Variants in MYO18B observed in about 807,000 individuals in gnomAD.
MYO18B encodes the protein unconventional myosin-XVIIIb.
Under a neutral mutation model 273.0 loss-of-function variants are expected in MYO18B, and 204 were observed. The observed-to-expected ratio is 0.75, with a 90% CI of 0.67 to 0.84. The LOEUF (loss-of-function observed/expected upper bound fraction) is 0.84, where lower values mean the gene tolerates loss of function less well. Among genes scored for constraint, MYO18B ranks in the 40% least tolerant of loss-of-function variants. The pLI, the probability that MYO18B is intolerant of heterozygous loss-of-function variation, is 0.00. For missense variants in MYO18B, 3,212 were observed against 3,287.6 expected (o/e 0.98, Z 0.56); for synonymous variants, 1,330 against 1,305.7 (o/e 1.02, Z -0.40).
rs372587899 is a variant in MYO18B, at chr22:25,874,354, C to T, written c.4020C>T (p.Ile1340=). Residue 1340 remains isoleucine, a synonymous_variant, in exon 23 of 44, where the codon ATC becomes ATT. Coordinates refer to ENST00000335473, the MANE Select transcript of MYO18B (RefSeq NM_032608.7). ...KQREKLVSQS[I]VLFQAACKGF... The stretch of plus-strand genomic sequence containing the variant: ...GAGAGAAGCTGGTATCTCAGAGCAT[C>T]GTTCTCTTCCAGGCGGCTTGCAAGG... 9.3e-6 allele frequency: 15 copies of T among 1,613,980 alleles called. No individual in the cohort carries two copies. Among genetic ancestry groups the T allele is most frequent in the African/African-American group, 5.3e-5 (4 of 75,052 alleles).
intron 21 of MYO18B, among the ~76,000 whole-genome samples, chr22:25,866,865 T>A (rs1479131330): frequency 1.4e-5 from 2 of 147,352 alleles, no homozygotes; most frequent in African/African-American, 2.5e-5. Context: ...ATAATGTAGA[T>A]CAGGCAGGTG....
chr22:25,887,799 A>G (rs919147796), intron 25 of MYO18B, among the ~76,000 whole-genome samples: 20 of 152,140 alleles, frequency 1.3e-4, no homozygotes, highest in African/African-American at 4.6e-4. Context: ...TGAAAAGACT[A>G]ATTGTCCTTT....
intron 42 of MYO18B, among the ~76,000 whole-genome samples, chr22:26,005,648 A>G (rs1469731224): frequency 6.6e-6 from 1 of 152,218 alleles, no homozygotes; most frequent in East Asian, 1.9e-4. Context: ...GGATTAAGAT[A>G]TGCATAATTA....
intron 21 of MYO18B, among the ~76,000 whole-genome samples, chr22:25,865,824 T>G (rs761044364): frequency 1.3e-4 from 20 of 152,330 alleles, no homozygotes; most frequent in Non-Finnish European, 2.6e-4. Context: ...TTTTAAAAAT[T>G]CATCCATCTT....
intron 39 of MYO18B, 57 bp downstream of exon 39, chr22:25,955,421 C>T (rs1462288091): frequency 1.3e-6 from 2 of 1,521,778 alleles, no homozygotes; most frequent in Non-Finnish European, 1.8e-6. Flanking sequence ...ATGTGGTAGA[C>T]CCCCCTTTCT....
At chr22:25,957,123 T>G (rs1477751658) in intron 39 of MYO18B, among the ~76,000 whole-genome samples, 1 of 152,176 alleles carries the variant, frequency 6.6e-6, no homozygotes, top group Non-Finnish European at 1.5e-5. Flanking sequence ...TGAGCACCCC[T>G]CCTGCAAGCT....
chr22:25,986,758 G>A (rs1414780655), intron 39 of MYO18B, among the ~76,000 whole-genome samples: 1 of 152,176 alleles, frequency 6.6e-6, no homozygotes, highest in South Asian at 2.1e-4. Flanking sequence ...AGGGATTGCT[G>A]TTTGCTAATT....
intron 28 of MYO18B, chr22:25,897,348 T>C (rs955651563): frequency 1.3e-5 from 2 of 152,234 alleles, no homozygotes; most frequent in African/African-American, 4.8e-5. Context: ...TTATAAACAA[T>C]GGAAGTGACT....
intron 40 of MYO18B, among the ~76,000 whole-genome samples, chr22:25,996,241 C>T (rs548096059): frequency 2.0e-5 from 3 of 152,294 alleles, no homozygotes; most frequent in African/African-American, 7.2e-5. Context: ...CTTCCTAGCA[C>T]ATTACCTTGC....
At chr22:25,957,194 G>A (rs966503052) in intron 39 of MYO18B, among the ~76,000 whole-genome samples, 3 of 152,124 alleles carry the variant, frequency 2.0e-5, no homozygotes, top group Admixed American at 6.5e-5. Context: ...TAACTAGCCA[G>A]GCACTCAGGC....
intron 32 of MYO18B, among the ~76,000 whole-genome samples, chr22:25,910,270 C>T (rs184277009): frequency 1.0e-3 from 154 of 152,226 alleles, no homozygotes; most frequent in Admixed American, 3.3e-3. Flanking sequence ...CAGTGTCTGG[C>T]GAGGGCTGTC....
chr22:26,041,599 G>A, the MYO18B span, among the ~76,000 whole-genome samples: 1,535 of 152,198 alleles, frequency 0.01, 30 homozygotes, highest in African/African-American at 0.036. Context: ...CTTTGGAGCA[G>A]AGTTTTGACA....
chr22:25,941,615 C>T (rs1293935004), intron 34 of MYO18B, among the ~76,000 whole-genome samples: 3 of 152,254 alleles, frequency 2.0e-5, no homozygotes, highest in Non-Finnish European at 2.9e-5. Context: ...TATGCTGGGT[C>T]ATCCATAATA....
At position 25,868,194 on chromosome 22, in the gene MYO18B, CA is replaced by C. The variant is rs2090944682; in HGVS notation, c.3886-123del. 6.5e-6 allele frequency: 5 copies of C among 774,038 alleles called. No individual in the cohort carries two copies. The East Asian group carries it at 1.3e-4, about 21-fold the overall frequency. The allele number at this position is 774,038 out of a possible 1,614,324, so 47.9% of individuals were successfully genotyped here. On this transcript the variant is annotated intron_variant, in intron 21 of 43. Transcript: ENST00000335473. The stretch of plus-strand genomic sequence containing the variant: ...CTGTGTGAGGTGGGGCTCTGTTAGC[CA>C]AAGCTCACAGACATGTGGGGTCATC...
At chr22:25,975,765 C>T (rs1432058739) in intron 39 of MYO18B, among the ~76,000 whole-genome samples, 1 of 152,184 alleles carries the variant, frequency 6.6e-6, no homozygotes, top group Non-Finnish European at 1.5e-5. Context: ...GGGGCAGGGC[C>T]TGAGATTCTG....
At chr22:25,795,024 G>A (rs2087847982) in intron 11 of MYO18B, among the ~76,000 whole-genome samples, 1 of 152,160 alleles carries the variant, frequency 6.6e-6, no homozygotes, top group Non-Finnish European at 1.5e-5. Flanking sequence ...AGGCTTTTGT[G>A]CCTGGCTTCT....
At chr22:25,903,943 C>A in intron 31 of MYO18B, 112 bp downstream of exon 31, 1 of 1,144,460 alleles carries the variant, frequency 8.7e-7, no homozygotes, top group Non-Finnish European at 1.2e-6. Context: ...CCTTCAATGG[C>A]TCCCTATTAT....
intron 40 of MYO18B, among the ~76,000 whole-genome samples, chr22:25,993,170 G>A (rs1932895295): frequency 6.6e-6 from 1 of 152,018 alleles, no homozygotes; most frequent in Non-Finnish European, 1.5e-5. Flanking sequence ...GCCACAGGTG[G>A]ACCGCTCAGC....
intron 22 of MYO18B, among the ~76,000 whole-genome samples, chr22:25,868,725 T>C (rs1381337588): frequency 6.6e-6 from 1 of 152,172 alleles, no homozygotes; most frequent in East Asian, 1.9e-4. Context: ...TCATCTTCAC[T>C]CACAGCCTTT....
Sources: gnomAD v4.1 joint callset for allele counts (sites outside exome capture counted in the v4.1 genomes callset) on GRCh38, gnomAD v4.1.1 for gene constraint, MANE v1.5 for transcripts, NCBI Gene and HGNC (gene_info 2026-07-23, HGNC 2026-07-21) for gene names.